The following SCHIP1 variants were observed in gnomAD, a reference collection of about 807,000 sequenced individuals.
SCHIP1 encodes the protein schwannomin-interacting protein 1.
SCHIP1 carries 8 observed loss-of-function variants against 29.7 expected under a neutral mutation model. The observed-to-expected ratio is 0.27, with a 90% CI of 0.16 to 0.49. The LOEUF is 0.49. SCHIP1 is among the 20% of genes least tolerant of loss of function. SCHIP1 has a pLI of 0.99. For missense variants in SCHIP1, 193 were observed against 294.6 expected (o/e 0.66, Z 2.52); for synonymous variants, 76 against 94.9 (o/e 0.80, Z 1.16).
chr3:159,648,197 G>C, the SCHIP1 span, among the ~76,000 whole-genome samples: 7 of 152,152 alleles, frequency 4.6e-5, no homozygotes, highest in African/African-American at 1.7e-4. Flanking sequence ...AAAGTGACAG[G>C]AAAGAGTGTT....
At chr3:159,582,161 G>GT in the SCHIP1 span, among the ~76,000 whole-genome samples, 1 of 151,604 alleles carries the variant, frequency 6.6e-6, no homozygotes, top group Non-Finnish European at 1.5e-5. Context: ...TTGTTGTTGG[G>GT]TTTTTTTGTT....
the SCHIP1 span, chr3:159,386,840 G>A: frequency 6.5e-6 from 1 of 152,980 alleles, no homozygotes. Flanking sequence ...ATTCTTCATG[G>A]AGAGACTTGG....
chr3:159,668,664 A>G, the SCHIP1 span, among the ~76,000 whole-genome samples: 3 of 152,270 alleles, frequency 2.0e-5, no homozygotes, highest in East Asian at 1.9e-4. Context: ...TGTTGAGTCC[A>G]GGTTCCCATC....
the SCHIP1 span, chr3:159,764,781 C>T: frequency 6.4e-7 from 1 of 1,564,022 alleles, no homozygotes; most frequent in East Asian, 2.4e-5. This position sits in a 1 kb window ranked among gnomAD's most constrained non-coding sequence, Gnocchi z 6.1. Context: ...GCGGCGGCGG[C>T]GGGGGCAGGA....
At chr3:159,692,062 C>T in the SCHIP1 span, among the ~76,000 whole-genome samples, 3 of 143,208 alleles carry the variant, frequency 2.1e-5, no homozygotes, top group South Asian at 2.2e-4. Context: ...CGCTCTGTCG[C>T]CCAGGCCGGA....
chr3:159,444,947 A>G, the SCHIP1 span, among the ~76,000 whole-genome samples: 5 of 152,198 alleles, frequency 3.3e-5, 1 homozygote. Context: ...AGGCGTTACC[A>G]TTCAGGACAT....
the SCHIP1 span, chr3:159,275,235 T>C: frequency 2.9e-6 from 1 of 340,780 alleles, no homozygotes; most frequent in African/African-American, 2.2e-5. Flanking sequence ...GATTTCAGTT[T>C]TTTTAAGTTT....
chr3:159,611,538 G>A, the SCHIP1 span, among the ~76,000 whole-genome samples: 2 of 143,882 alleles, frequency 1.4e-5, no homozygotes, highest in African/African-American at 5.1e-5. Flanking sequence ...GGGGGGTGGG[G>A]GGGAAGGGGA....
chr3:159,446,180 A>G, the SCHIP1 span, among the ~76,000 whole-genome samples: 1 of 152,000 alleles, frequency 6.6e-6, no homozygotes, highest in Non-Finnish European at 1.5e-5. Flanking sequence ...CAGGTGTAAT[A>G]TAACTTTTTT....
intron 1 of SCHIP1, among the ~76,000 whole-genome samples, chr3:159,860,767 C>T (rs1713972929): frequency 6.6e-6 from 1 of 152,322 alleles, no homozygotes; most frequent in African/African-American, 2.4e-5. Flanking sequence ...CTACAACTGT[C>T]CCTGCTCCAA....
chr3:159,632,486 G>A, the SCHIP1 span, among the ~76,000 whole-genome samples: 1 of 152,244 alleles, frequency 6.6e-6, no homozygotes. Context: ...CAAACATCAG[G>A]CACCAAGGCT....
At chr3:159,349,823 A>G in the SCHIP1 span, among the ~76,000 whole-genome samples, 1 of 152,184 alleles carries the variant, frequency 6.6e-6, no homozygotes, top group Non-Finnish European at 1.5e-5. Flanking sequence ...CTTAAAGATG[A>G]TAGTCAAAAT....
the SCHIP1 span, among the ~76,000 whole-genome samples, chr3:159,766,803 A>G: frequency 6.6e-6 from 1 of 152,132 alleles, no homozygotes; most frequent in Non-Finnish European, 1.5e-5. Context: ...AAGGGTAGGG[A>G]TACAGACTGC....
the SCHIP1 span, among the ~76,000 whole-genome samples, chr3:159,426,651 A>G: frequency 6.6e-6 from 1 of 152,222 alleles, no homozygotes; most frequent in Non-Finnish European, 1.5e-5. Context: ...TCCAATCAAT[A>G]GAAAAAGAGG....
chr3:159,449,434 T>C, the SCHIP1 span, among the ~76,000 whole-genome samples: 1 of 152,188 alleles, frequency 6.6e-6, no homozygotes, highest in South Asian at 2.1e-4. Flanking sequence ...TGATTTAACA[T>C]GCCTTGTTGC....
the SCHIP1 span, among the ~76,000 whole-genome samples, chr3:159,706,679 G>A: frequency 3.9e-5 from 6 of 152,276 alleles, no homozygotes; most frequent in Middle Eastern, 3.4e-3. Flanking sequence ...AGTCTTTCAT[G>A]AGTTGTAGGG....
the SCHIP1 span, among the ~76,000 whole-genome samples, chr3:159,487,959 A>T: frequency 1.3e-5 from 2 of 152,210 alleles, no homozygotes; most frequent in Non-Finnish European, 2.9e-5. Flanking sequence ...TACATTTATC[A>T]AATTAACTCT....
the SCHIP1 span, among the ~76,000 whole-genome samples, chr3:159,374,982 A>T: frequency 6.6e-6 from 1 of 152,210 alleles, no homozygotes; most frequent in African/African-American, 2.4e-5. Context: ...ATAAGTTTTT[A>T]TATGTATTAC....
At chr3:159,358,123 C>T in the SCHIP1 span, among the ~76,000 whole-genome samples, 1 of 152,164 alleles carries the variant, frequency 6.6e-6, no homozygotes, top group Non-Finnish European at 1.5e-5. Context: ...AAACCAGGAG[C>T]CAGCAATGGC....
Sources: allele counts gnomAD v4.1 joint callset (sites outside exome capture counted in the v4.1 genomes callset), GRCh38; gene constraint gnomAD v4.1.1; non-coding constraint Gnocchi (gnomAD v3.1); transcripts MANE v1.5; gene names NCBI Gene and HGNC (gene_info 2026-07-23, HGNC 2026-07-21).